The following IL1RAPL2 variants were observed in gnomAD, a reference collection of about 807,000 sequenced individuals.
IL1RAPL2 encodes the protein X-linked interleukin-1 receptor accessory protein-like 2.
A neutral mutation model predicts 44.1 loss-of-function variants in IL1RAPL2; 3 were observed. The ratio of observed to expected loss-of-function variants is 0.07; its 90% CI spans 0.03 to 0.18. The LOEUF is 0.18. Ranked by LOEUF, IL1RAPL2 falls within the 10% of genes least tolerant of loss-of-function variation. The probability of loss-of-function intolerance (pLI) is 1.00; values close to 1 mark genes in which losing one functional copy is unlikely to be tolerated. For synonymous variants in IL1RAPL2, 181 were observed against 178.8 expected (o/e 1.01, Z -0.10); for missense variants, 391 against 496.4 (o/e 0.79, Z 2.02).
At chrX:105,186,438 A>C (rs1556133937) in intron 2 of IL1RAPL2, among the ~76,000 whole-genome samples, 1 of 111,957 alleles carries the variant, frequency 8.9e-6, no homozygotes, top group African/African-American at 3.3e-5. Flanking sequence ...GGATGAAGAC[A>C]GGAAAGAGCT....
At chrX:104,956,637 G>A (rs1463617756) in intron 2 of IL1RAPL2, among the ~76,000 whole-genome samples, 1 of 110,519 alleles carries the variant, frequency 9.0e-6, no homozygotes, top group Admixed American at 9.7e-5. Flanking sequence ...ACTCCATCTC[G>A]AAAAGAAAAA....
chrX:105,653,037 G>A (rs907300073), intron 6 of IL1RAPL2, among the ~76,000 whole-genome samples: 41 of 111,368 alleles, frequency 3.7e-4, no homozygotes, highest in African/African-American at 1.2e-3. Flanking sequence ...GGATAAAAGA[G>A]AAGGGGAAAA....
intron 2 of IL1RAPL2, among the ~76,000 whole-genome samples, chrX:104,852,006 T>A (rs1922238764): frequency 2.7e-5 from 3 of 111,457 alleles, no homozygotes; most frequent in African/African-American, 6.5e-5. Context: ...TAGGCCCCAC[T>A]TTCCAACACT....
At chrX:105,065,705 C>T (rs1052747928) in intron 2 of IL1RAPL2, among the ~76,000 whole-genome samples, 1 of 111,716 alleles carries the variant, frequency 9.0e-6, no homozygotes, top group Middle Eastern at 4.6e-3. Flanking sequence ...GGTTGTGTTG[C>T]CTATGCTATT....
intron 6 of IL1RAPL2, among the ~76,000 whole-genome samples, chrX:105,496,940 G>C (rs2036360367): frequency 9.0e-6 from 1 of 111,694 alleles, no homozygotes; most frequent in South Asian, 3.7e-4. Context: ...ATATAAAGTA[G>C]CTCTTAAACT....
intron 5 of IL1RAPL2, among the ~76,000 whole-genome samples, chrX:105,409,845 T>TAGATAGATAGATAGAC (rs757454072): frequency 5.3e-3 from 455 of 85,940 alleles, no homozygotes; most frequent in Non-Finnish European, 6.7e-3. Context: ...GATAGATAGA[T>TAGATAGATAGATAGAC]AGACAGACAG....
chrX:105,727,862 G>A, intron 7 of IL1RAPL2, among the ~76,000 whole-genome samples: 1 of 111,105 alleles, frequency 9.0e-6, no homozygotes, highest in Middle Eastern at 4.7e-3. Flanking sequence ...ATAGTGTCTT[G>A]CTAGCATTAC....
chrX:104,955,481 T>A (rs1210216661), intron 2 of IL1RAPL2, among the ~76,000 whole-genome samples: 1 of 105,893 alleles, frequency 9.4e-6, no homozygotes, highest in African/African-American at 3.4e-5. Flanking sequence ...TACTCCCAGA[T>A]ATATATATAT....
rs150689251 is a variant in IL1RAPL2 at position 105,288,852 on chromosome X, A to G, written c.697+21311A>G. On this transcript the variant is annotated intron_variant, in intron 5 of 10. Coordinates refer to ENST00000372582, the MANE Select transcript of IL1RAPL2 (RefSeq NM_017416.2). ...GGGAAAGCCACTTTCTTTTATTTCAATTAGAATTCTTATATCCCAACCTTA... is the reference window on the plus strand; with the variant it reads ...GGGAAAGCCACTTTCTTTTATTTCAGTTAGAATTCTTATATCCCAACCTTA... Among the ~76,000 whole-genome samples the G allele has an allele frequency of 3.1e-3, 347 of 110,913 alleles. 3 individuals carry two copies. Among genetic ancestry groups the G allele is most frequent in the African/African-American group, 0.011 (331 of 30,541 alleles).
chrX:104,767,332 G>C (rs1426775988), intron 2 of IL1RAPL2, among the ~76,000 whole-genome samples: 1 of 111,550 alleles, frequency 9.0e-6, no homozygotes, highest in African/African-American at 3.3e-5. Flanking sequence ...TGACTAAAAG[G>C]GATATTTTCT....
At position 105,392,447 on chromosome X, in the gene IL1RAPL2, C is replaced by T. The variant is rs372878291; in HGVS notation, c.698-91866C>T. On this transcript the variant is annotated intron_variant, in intron 5 of 10. Coordinates refer to ENST00000372582, the MANE Select transcript of IL1RAPL2 (RefSeq NM_017416.2). ...TGACCTCAGTGCATAAAAGTTAAGTCGAGCTCTAGACCAGGTATAATCACC... is the reference window on the plus strand; with the variant it reads ...TGACCTCAGTGCATAAAAGTTAAGTTGAGCTCTAGACCAGGTATAATCACC... 5.3e-3 allele frequency among the ~76,000 whole-genome samples: 593 copies of T among 111,721 alleles called. 6 individuals are homozygous for T. The highest frequency in any genetic ancestry group is 0.018 in the African/African-American group (553 of 30,761).
At chrX:105,332,037 G>T (rs2147694274) in intron 5 of IL1RAPL2, among the ~76,000 whole-genome samples, 1 of 109,507 alleles carries the variant, frequency 9.1e-6, no homozygotes, top group Non-Finnish European at 1.9e-5. Context: ...AGGCAGGAAG[G>T]ATCAATGCGT....
At chrX:104,939,427 A>G (rs746827910) in intron 2 of IL1RAPL2, among the ~76,000 whole-genome samples, 1 of 111,463 alleles carries the variant, frequency 9.0e-6, no homozygotes, top group Non-Finnish European at 1.9e-5. Flanking sequence ...TTAAACCTAG[A>G]GATCTCGATT....
chrX:104,677,981 C>A (rs939941653), intron 2 of IL1RAPL2, among the ~76,000 whole-genome samples: 11 of 112,317 alleles, frequency 9.8e-5, no homozygotes, highest in African/African-American at 3.6e-4. Flanking sequence ...CACCCACTGA[C>A]CTGCGCCCAC....
At chrX:105,489,772 CT>C (rs377121996) in intron 6 of IL1RAPL2, among the ~76,000 whole-genome samples, 150 of 60,723 alleles carry the variant, frequency 2.5e-3, no homozygotes, top group Middle Eastern at 9.0e-3. Context: ...TTCTTTCTTT[CT>C]TTTCTTTCTC....
chrX:105,551,566 G>A (rs1354755072), intron 6 of IL1RAPL2, among the ~76,000 whole-genome samples: 1 of 111,359 alleles, frequency 9.0e-6, no homozygotes, highest in African/African-American at 3.3e-5. Flanking sequence ...TTTATTAAAT[G>A]TACTTAAAAA....
chrX:105,526,137 T>A (rs970625150), intron 6 of IL1RAPL2, among the ~76,000 whole-genome samples: 4 of 112,099 alleles, frequency 3.6e-5, no homozygotes, highest in African/African-American at 1.3e-4. Context: ...TATTAAATAC[T>A]AGCCCCAATC....
intron 2 of IL1RAPL2, among the ~76,000 whole-genome samples, chrX:104,759,045 TGAAA>T (rs1393979521): frequency 8.9e-6 from 1 of 112,622 alleles, no homozygotes; most frequent in Non-Finnish European, 1.9e-5. Context: ...GAACACATGT[TGAAA>T]GAAAGAAACT....
At chrX:104,926,443 A>G (rs1924774993) in intron 2 of IL1RAPL2, among the ~76,000 whole-genome samples, 2 of 111,829 alleles carry the variant, frequency 1.8e-5, no homozygotes, top group African/African-American at 6.5e-5. Context: ...TTTGAAAAAC[A>G]TAATCTAGGC....
Sources: allele counts gnomAD v4.1 joint callset (sites outside exome capture counted in the v4.1 genomes callset), GRCh38; gene constraint gnomAD v4.1.1; transcripts MANE v1.5; gene names NCBI Gene and HGNC (gene_info 2026-07-23, HGNC 2026-07-21).